The following ROBO2 variants were observed in gnomAD, a reference collection of about 807,000 sequenced individuals.
The protein encoded by ROBO2 is roundabout guidance receptor 2.
ROBO2 carries 53 observed loss-of-function variants against 160.8 expected under a neutral mutation model. The ratio of observed to expected loss-of-function variants is 0.33; its 90% CI spans 0.26 to 0.41. The LOEUF (loss-of-function observed/expected upper bound fraction) is 0.41, where lower values mean the gene tolerates loss of function less well. Ranked by LOEUF, ROBO2 falls within the 10% of genes least tolerant of loss-of-function variation. The pLI is 1.00. For synonymous variants in ROBO2, 664 were observed against 611.7 expected (o/e 1.09, Z -1.26); for missense variants, 1,577 against 1,722.4 (o/e 0.92, Z 1.49).
At chr3:75,985,131 C>T (rs897963748) in intron 2 of ROBO2, among the ~76,000 whole-genome samples, 32 of 151,358 alleles carry the variant, frequency 2.1e-4, no homozygotes, top group South Asian at 4.2e-4. Flanking sequence ...AATGAATGCC[C>T]ATCCTTATGC....
intron 2 of ROBO2, among the ~76,000 whole-genome samples, chr3:76,408,252 G>T (rs568700508): frequency 6.6e-6 from 1 of 152,186 alleles, no homozygotes; most frequent in East Asian, 1.9e-4. Context: ...AGTTGGAAGG[G>T]ATTGAGAAAG....
chr3:77,594,174 T>A (rs1440396735), intron 17 of ROBO2, among the ~76,000 whole-genome samples: 1 of 152,226 alleles, frequency 6.6e-6, no homozygotes, highest in Non-Finnish European at 1.5e-5. Context: ...ATCCTACTAA[T>A]CATGGATATT....
In ROBO2 at chr3:76,680,059, T is replaced by C. The variant is rs970891517; in HGVS notation, c.110-417955T>C. Among the ~76,000 whole-genome samples the C allele has an allele frequency of 2.0e-5, 3 of 152,264 alleles. No homozygotes were observed. The South Asian group carries it at 6.2e-4, about 32-fold the overall frequency. Reference sequence around the variant, plus strand: ...ATTGCTGTGTGCAGGTAATTAAAGCTAAACATTGTGCAAAGAAAGATGATT... The same window carrying C: ...ATTGCTGTGTGCAGGTAATTAAAGCCAAACATTGTGCAAAGAAAGATGATT... On this transcript the variant is annotated intron_variant, in intron 2 of 26. Coordinates refer to the ROBO2 transcript ENST00000487694.
intron 2 of ROBO2, among the ~76,000 whole-genome samples, chr3:76,196,545 C>T (rs1702270795): frequency 6.6e-6 from 1 of 152,052 alleles, no homozygotes; most frequent in Non-Finnish European, 1.5e-5. Flanking sequence ...AGAGAAAATA[C>T]TCTAAATAAT....
chr3:76,885,356 G>A (rs565894434), intron 2 of ROBO2, among the ~76,000 whole-genome samples: 1 of 152,210 alleles, frequency 6.6e-6, no homozygotes, highest in East Asian at 1.9e-4. Flanking sequence ...TTTCTCCGAT[G>A]CAAAATGCAA....
intron 2 of ROBO2, among the ~76,000 whole-genome samples, chr3:76,550,587 G>T (rs2083354877): frequency 6.6e-6 from 1 of 152,134 alleles, no homozygotes; most frequent in Admixed American, 6.5e-5. Flanking sequence ...TCACTCCCAG[G>T]CACAGCTGCA....
chr3:77,091,469 A>G (rs542750030), intron 1 of ROBO2, among the ~76,000 whole-genome samples: 2 of 152,296 alleles, frequency 1.3e-5, no homozygotes, highest in South Asian at 4.1e-4. Context: ...ATTGTTTGAG[A>G]GTCTCTGAGA....
At chr3:77,348,224 C>T (rs1007663428) in intron 2 of ROBO2, among the ~76,000 whole-genome samples, 5 of 152,112 alleles carry the variant, frequency 3.3e-5, no homozygotes, top group Non-Finnish European at 7.4e-5. Context: ...AACGGCTACT[C>T]CACAGACAGG....
At chr3:77,166,927 T>C (rs1364189312) in intron 2 of ROBO2, among the ~76,000 whole-genome samples, 1 of 152,198 alleles carries the variant, frequency 6.6e-6, no homozygotes, top group Non-Finnish European at 1.5e-5. Context: ...TATTTATGTC[T>C]CATAGAAAAA....
chr3:76,357,739 C>T (rs1415229120), intron 2 of ROBO2, among the ~76,000 whole-genome samples: 1 of 151,808 alleles, frequency 6.6e-6, no homozygotes, highest in Non-Finnish European at 1.5e-5. Flanking sequence ...AAGCCAGCTA[C>T]ATTAGTAAGT....
At chr3:76,074,426 G>A (rs150427406) in intron 2 of ROBO2, among the ~76,000 whole-genome samples, 1 of 152,306 alleles carries the variant, frequency 6.6e-6, no homozygotes, top group Non-Finnish European at 1.5e-5. Context: ...AAAATATTCA[G>A]CCAGACGACC....
rs78002608 is a variant in ROBO2, at chr3:76,543,862, A to G, written c.110-554152A>G. On this transcript the variant is annotated intron_variant, in intron 2 of 26. Transcript: ENST00000487694. ...GCACTCCTCATAACTCACCTTGGCT[A>G]TCCCCTCAGATCTCTTATTTCTAGC... 1.9e-4 allele frequency among the ~76,000 whole-genome samples: 29 copies of G among 152,046 alleles called. No homozygotes were observed. The East Asian group carries it at 4.3e-3, about 22-fold the overall frequency.
At chr3:76,864,904 G>A (rs2071201536) in intron 2 of ROBO2, among the ~76,000 whole-genome samples, 2 of 152,036 alleles carry the variant, frequency 1.3e-5, no homozygotes, top group African/African-American at 2.4e-5. Context: ...TGTGGGACTA[G>A]TCATTGCAGT....
At chr3:75,951,850 C>G (rs1038078275) in intron 2 of ROBO2, among the ~76,000 whole-genome samples, 11 of 151,956 alleles carry the variant, frequency 7.2e-5, no homozygotes, top group African/African-American at 2.4e-4. Context: ...TATCTGATAG[C>G]TCCCTTGTGT....
intron 2 of ROBO2, among the ~76,000 whole-genome samples, chr3:76,725,727 C>A (rs1166782808): frequency 6.6e-6 from 1 of 152,128 alleles, no homozygotes; most frequent in East Asian, 1.9e-4. Context: ...CAGGTATTCT[C>A]TGTTAGGTGG....
chr3:76,562,100 G>A (rs114164917), intron 2 of ROBO2, among the ~76,000 whole-genome samples: 1,822 of 151,912 alleles, frequency 0.012, 32 homozygotes, highest in African/African-American at 0.037. Context: ...CCCAGAGCAT[G>A]CCTGATGAGT....
intron 2 of ROBO2, among the ~76,000 whole-genome samples, chr3:76,755,338 T>C (rs1275012110): frequency 1.3e-5 from 2 of 151,810 alleles, no homozygotes; most frequent in African/African-American, 2.4e-5. Flanking sequence ...CGTATTATTA[T>C]AAAACCAGTA....
At chr3:77,546,276 T>G in intron 6 of ROBO2, 62 bp from the exon 8 acceptor site, 1 of 1,575,806 alleles carries the variant, frequency 6.3e-7, no homozygotes, top group Non-Finnish European at 8.7e-7. Flanking sequence ...TATTTTCTCC[T>G]TGACATATTT....
At chr3:76,495,043 T>C (rs557436938) in intron 2 of ROBO2, among the ~76,000 whole-genome samples, 1 of 152,306 alleles carries the variant, frequency 6.6e-6, no homozygotes, top group East Asian at 1.9e-4. Context: ...CTTAATTCCA[T>C]TTTATTAAAA....
Sources: gnomAD v4.1 joint callset for allele counts (sites outside exome capture counted in the v4.1 genomes callset) on GRCh38, gnomAD v4.1.1 for gene constraint, MANE v1.5 for transcripts, NCBI Gene and HGNC (gene_info 2026-07-23, HGNC 2026-07-21) for gene names.